The following RBM14 variants were observed in gnomAD, a reference collection of about 807,000 sequenced individuals.
RBM14 encodes the protein RNA-binding protein 14.
In RBM14, 5 loss-of-function variants were observed where a neutral mutation model predicts 52.8. The observed-to-expected ratio is 0.09, with a 90% CI of 0.05 to 0.20. The LOEUF is 0.20. Among genes scored for constraint, RBM14 ranks in the 10% least tolerant of loss-of-function variants. The pLI is 1.00. For synonymous variants in RBM14, 411 were observed against 401.8 expected, an observed-to-expected ratio of 1.02 and a Z score of -0.28; for missense variants, 780 against 926.6, an observed-to-expected ratio of 0.84 and a Z score of 2.05.
chr11:66,622,623 C>G (rs1461704407), intron 1 of RBM14, among the ~76,000 whole-genome samples: 3 of 152,160 alleles, frequency 2.0e-5, no homozygotes, highest in Admixed American at 6.6e-5. Flanking sequence ...TTGTGCTATG[C>G]CACACTTCTG....
Position 66,624,535 on chromosome 11 carries a change from C to T in RBM14, c.659C>T (p.Ser220Leu). ...FGRDRSPLRR[S>L]PPRASYVAPL... Reference sequence around the variant, plus strand: ...CGCGACCGCAGCCCTCTGCGCCGTTCACCTCCCCGAGCCTCTTATGTGGCT... The same window carrying T: ...CGCGACCGCAGCCCTCTGCGCCGTTTACCTCCCCGAGCCTCTTATGTGGCT... Residue 220 changes from serine to leucine, a missense_variant, in exon 2 of 3, where the codon TCA becomes TTA. Physicochemically the swap from Ser to Leu is moderately radical, Grantham distance 145. Coordinates refer to ENST00000310137, the MANE Select transcript of RBM14 (RefSeq NM_006328.4). This position sits in a 1 kb window ranked among gnomAD's most constrained non-coding sequence, Gnocchi z 4.7. 4 of 1,613,370 alleles carry T rather than the reference C, an allele frequency of 2.5e-6. No homozygotes were observed. Among genetic ancestry groups the T allele is most frequent in the Non-Finnish European group, 2.5e-6 (3 of 1,179,992 alleles).
chr11:66,619,412 T>TATA (rs1858993018), intron 1 of RBM14: 2 of 152,190 alleles, frequency 1.3e-5, no homozygotes, highest in Admixed American at 6.5e-5. Context: ...TTCCTCCTAT[T>TATA]GGGTGTTCAA....
At chr11:66,622,277 A>G (rs1353651677) in intron 1 of RBM14, among the ~76,000 whole-genome samples, 1 of 145,952 alleles carries the variant, frequency 6.9e-6, no homozygotes, top group African/African-American at 2.6e-5. Flanking sequence ...TGTCACCCAG[A>G]CTGGAGTACG....
Position 66,624,024 on chromosome 11 carries a change from G to T in RBM14, c.338-190G>T. On this transcript the variant is annotated intron_variant, in intron 1 of 2. Transcript: ENST00000310137. This position sits in a 1 kb window ranked among gnomAD's most constrained non-coding sequence, Gnocchi z 4.7. ...TGGGAAGAAGGCTGTAGGCAAAGAT[G>T]ACTGCTTGGGACAGTCAGAAGCTTT... 1.0e-6 allele frequency: 1 copy of T among 976,942 alleles called. No homozygotes were observed. Among genetic ancestry groups the T allele is most frequent in the South Asian group, 1.4e-5 (1 of 72,644 alleles). The allele number at this position is 976,942 out of a possible 1,614,324, so 60.5% of individuals were successfully genotyped here.
In RBM14 at chr11:66,625,562, C is replaced by G; in HGVS notation, c.1686C>G (p.Ser562=). 6.2e-7 allele frequency: 1 copy of G among 1,612,522 alleles called. No individual in the cohort carries two copies. Among genetic ancestry groups the G allele is most frequent in the South Asian group, 1.1e-5 (1 of 91,030 alleles). ...CGTCTGCAGCCTACCTGTCCATGTC[C>G]CAGGGGGCCGTTGCCAACGCCAACA... ...GQPSAAYLSM[S]QGAVANANST... The change falls in exon 2 of 3, where the codon TCC becomes TCG. Residue 562 remains serine (S), a synonymous_variant. Transcript: ENST00000310137. This position sits in a 1 kb window ranked among gnomAD's most constrained non-coding sequence, Gnocchi z 4.2.
chr11:66,623,696 C>T (rs1444612989), intron 1 of RBM14, among the ~76,000 whole-genome samples: 1 of 152,194 alleles, frequency 6.6e-6, no homozygotes, highest in East Asian at 1.9e-4. Context: ...TTGCTTGTTG[C>T]AGTCTATCTC....
At chr11:66,626,224 A>C (rs1275134498) in intron 2 of RBM14, among the ~76,000 whole-genome samples, 1 of 152,156 alleles carries the variant, frequency 6.6e-6, no homozygotes, top group East Asian at 1.9e-4. Context: ...ACCAAAATCC[A>C]CCTTGGCTAG....
chr11:66,626,748 C>T lies in RBM14; in HGVS notation c.*80C>T, dbSNP rs924066194. 7.6e-7 allele frequency: 1 copy of T among 1,318,520 alleles called. No homozygotes were observed. 81.7% of individuals were successfully genotyped at this position (1,318,520 alleles called of 1,614,324 possible). ...GTTACAGATCCAGGTTATAACTACT[C>T]TGGCCCATACCTTTCCTGGTTGTGG... On this transcript the variant is annotated 3_prime_UTR_variant, in exon 3 of 3. Transcript: ENST00000310137.
chr11:66,619,327 T>C (rs1353897947), intron 1 of RBM14: 1 of 152,178 alleles, frequency 6.6e-6, no homozygotes, highest in African/African-American at 2.4e-5. Flanking sequence ...AGTTGCTTGG[T>C]TACTCCAGGA....
intron 2 of RBM14, among the ~76,000 whole-genome samples, chr11:66,626,196 T>G (rs1207957284): frequency 2.0e-5 from 3 of 152,238 alleles, no homozygotes; most frequent in Non-Finnish European, 1.5e-5. Context: ...GATAGTTTGC[T>G]GTGGTGTGGG....
chr11:66,624,045 G>A lies in RBM14; in HGVS notation c.338-169G>A. ...AGATGACTGCTTGGGACAGTCAGAAGCTTTGTTATATGGGAGCTACATTTT... is the reference window on the plus strand; with the variant it reads ...AGATGACTGCTTGGGACAGTCAGAAACTTTGTTATATGGGAGCTACATTTT... On this transcript the variant is annotated intron_variant, in intron 1 of 2. Coordinates refer to ENST00000310137, the MANE Select transcript of RBM14 (RefSeq NM_006328.4). This position sits in a 1 kb window ranked among gnomAD's most constrained non-coding sequence, Gnocchi z 4.7. 2 of 1,156,702 alleles carry A rather than the reference G, an allele frequency of 1.7e-6. No homozygotes were observed. Among genetic ancestry groups the A allele is most frequent in the Non-Finnish European group, 2.5e-6 (2 of 787,736 alleles). The allele number at this position is 1,156,702 out of a possible 1,614,324, so 71.7% of individuals were successfully genotyped here.
At chr11:66,619,339 C>T (rs1290389599) in intron 1 of RBM14, 2 of 152,118 alleles carry the variant, frequency 1.3e-5, no homozygotes, top group Non-Finnish European at 2.9e-5. Flanking sequence ...ACTCCAGGAG[C>T]TTAGATAGGA....
chr11:66,621,923 A>T (rs1050774764), intron 1 of RBM14, among the ~76,000 whole-genome samples: 2 of 151,122 alleles, frequency 1.3e-5, no homozygotes, highest in Admixed American at 1.3e-4. Flanking sequence ...GTTTCTTTTT[A>T]TTTTTTTTGA....
Position 66,629,827 on chromosome 11 carries a change from A to G in RBM14, c.*3159A>G, listed in dbSNP as rs1383128704. 6.6e-6 allele frequency among the ~76,000 whole-genome samples: 1 copy of G among 151,958 alleles called. No individual in the cohort carries two copies. Among genetic ancestry groups the G allele is most frequent in the Non-Finnish European group, 1.5e-5 (1 of 68,008 alleles). ...GTGGTAGCTCACACCTGTAATTCCC[A>G]GCGCTTTGGGAATTTGAGGCAAGAG... is the stretch of plus-strand genomic sequence containing the variant. On this transcript the variant is annotated 3_prime_UTR_variant, in exon 3 of 3. Coordinates refer to ENST00000310137, the MANE Select transcript of RBM14 (RefSeq NM_006328.4).
At chr11:66,617,210 GC>G (rs988484807) in intron 1 of RBM14, 153 bp downstream of exon 1, 1 of 1,433,276 alleles carries the variant, frequency 7.0e-7, no homozygotes, top group Non-Finnish European at 9.1e-7. Context: ...GTTGGGTAGA[GC>G]CACCCTCCTC....
chr11:66,618,437 A>C (rs1858948400), intron 1 of RBM14: 2 of 715,412 alleles, frequency 2.8e-6, no homozygotes, highest in Admixed American at 2.0e-5. Flanking sequence ...CATAGTGTCC[A>C]CTACTAGGAA....
rs890637624 is a variant in RBM14 at position 66,628,294 on chromosome 11, A to G, written c.*1626A>G. Among the ~76,000 whole-genome samples the G allele has an allele frequency of 6.6e-6, 1 of 152,128 alleles. No individual in the cohort carries two copies. The highest frequency in any genetic ancestry group is 2.4e-5 in the African/African-American group (1 of 41,404). On this transcript the variant is annotated 3_prime_UTR_variant, in exon 3 of 3. Transcript: ENST00000310137. The stretch of plus-strand genomic sequence containing the variant: ...GAACTTACTGATGCTCTTTTGGGAA[A>G]AGGTGCTTTAAAGACTCGATTTGGG...
intron 1 of RBM14, chr11:66,623,824 T>C: frequency 1.4e-6 from 1 of 709,800 alleles, no homozygotes; most frequent in African/African-American, 1.7e-5. Context: ...GTTTGGTGAG[T>C]TTGGGTTGAG....
chr11:66,617,212 C>A, intron 1 of RBM14, 155 bp downstream of exon 1: 1 of 1,431,670 alleles, frequency 7.0e-7, no homozygotes, highest in Non-Finnish European at 9.1e-7. Context: ...TGGGTAGAGC[C>A]ACCCTCCTCC....
Sources: allele counts gnomAD v4.1 joint callset (sites outside exome capture counted in the v4.1 genomes callset), GRCh38; gene constraint gnomAD v4.1.1; non-coding constraint Gnocchi (gnomAD v3.1); transcripts MANE v1.5; gene names NCBI Gene and HGNC (gene_info 2026-07-23, HGNC 2026-07-21).